The following RYR2 variants were observed in gnomAD, a reference collection of about 807,000 sequenced individuals.
RYR2 encodes ryanodine receptor 2.
A neutral mutation model predicts 601.1 loss-of-function variants in RYR2; 227 were observed. The ratio of observed to expected loss-of-function variants is 0.38; its 90% confidence interval spans 0.34 to 0.42. The LOEUF (loss-of-function observed/expected upper bound fraction) is 0.42. RYR2 is among the 10% of genes least tolerant of loss of function. The probability of loss-of-function intolerance (pLI) is 1.00; values close to 1 mark genes in which losing one functional copy is unlikely to be tolerated. For missense variants in RYR2, 4,646 were observed against 6,156.5 expected (o/e 0.75, Z 8.21); for synonymous variants, 2,223 against 2,175.1 (o/e 1.02, Z -0.61).
At chr1:237,388,042 C>G (rs962101882) in intron 9 of RYR2, 45 bp from the exon 10 acceptor site, 3 of 1,538,230 alleles carry the variant, frequency 2.0e-6, no homozygotes, top group Non-Finnish European at 2.7e-6. Flanking sequence ...GCTATCAGCA[C>G]CTGACACTGA....
chr1:237,641,514 TTTC>T (rs1160795557), intron 47 of RYR2, among the ~76,000 whole-genome samples: 4 of 136,808 alleles, frequency 2.9e-5, no homozygotes, highest in Non-Finnish European at 6.7e-5. Flanking sequence ...TCTTTCTTTC[TTTC>T]TTTCTTTCTT....
chr1:237,111,997 G>A (rs914265816), intron 1 of RYR2, among the ~76,000 whole-genome samples: 33 of 152,192 alleles, frequency 2.2e-4, no homozygotes, highest in African/African-American at 7.5e-4. Context: ...GTTGGGGGTG[G>A]GTGGTGGGTG....
At position 237,654,434 on chromosome 1, in the gene RYR2, G is replaced by A. The variant is rs1683052376; in HGVS notation, c.7965+20G>A. The A allele has an allele frequency of 4.3e-6, 7 of 1,612,320 alleles. No homozygotes were observed. Among genetic ancestry groups the A allele is most frequent in the African/African-American group, 1.3e-5 (1 of 74,842 alleles). ...CAAAAGGTAATTTAATGGTTTGTGG[G>A]TTTGTTTGTATCAATAAAATGGTAT... On this transcript the variant is annotated intron_variant, in intron 52 of 104. Transcript: ENST00000366574.
At chr1:237,381,251 CAAAAAAA>C (rs60493059) in intron 8 of RYR2, among the ~76,000 whole-genome samples, 1 of 45,768 alleles carries the variant, frequency 2.2e-5, no homozygotes, top group Non-Finnish European at 5.3e-5. Flanking sequence ...GACTCCGTCT[CAAAAAAA>C]AAAAAAAAAA....
Position 237,717,248 on chromosome 1 carries a change from G to A in RYR2, c.10374G>A (p.Arg3458=). ...ERKKMKRKGD[R]YSMQTSLIVA... ...AGAAAATGAAGCGCAAAGGAGATCG[G>A]TATTCCATGCAGACCTCTCTGATTG... The change falls in exon 72 of 105, where the codon CGG becomes CGA. Residue 3458 remains arginine, a synonymous_variant. Transcript: ENST00000366574. 6.2e-7 allele frequency: 1 copy of A among 1,613,736 alleles called. No homozygotes were observed. Among genetic ancestry groups the A allele is most frequent in the Non-Finnish European group, 8.5e-7 (1 of 1,179,746 alleles).
At chr1:237,089,210 G>T (rs1666686400) in intron 1 of RYR2, among the ~76,000 whole-genome samples, 1 of 152,156 alleles carries the variant, frequency 6.6e-6, no homozygotes. Context: ...TTACATAACG[G>T]AGTTCAGATT....
chr1:237,681,429 A>C (rs765656843), intron 62 of RYR2, among the ~76,000 whole-genome samples: 1 of 152,180 alleles, frequency 6.6e-6, no homozygotes, highest in Non-Finnish European at 1.5e-5. Context: ...AGATTCCTGC[A>C]CTACGTAACA....
chr1:237,226,454 C>T (rs941804047), intron 1 of RYR2, among the ~76,000 whole-genome samples: 11 of 152,144 alleles, frequency 7.2e-5, no homozygotes, highest in African/African-American at 2.7e-4. Flanking sequence ...GAGAATGTTA[C>T]ATGATATGAG....
intron 102 of RYR2, chr1:237,830,297 C>T: frequency 1.2e-5 from 5 of 405,862 alleles, no homozygotes; most frequent in East Asian, 4.8e-5. Context: ...CATCTTGTTC[C>T]CTGTCTGCGT....
rs113177581 is a variant in RYR2, at chr1:237,281,917, C to G, written c.168+11301C>G. Among the ~76,000 whole-genome samples the G allele has an allele frequency of 9.8e-3, 1,492 of 152,178 alleles. 25 individuals carry two copies. Among genetic ancestry groups the G allele is most frequent in the African/African-American group, 0.032 (1,342 of 41,482 alleles). On this transcript the variant is annotated intron_variant, in intron 2 of 104. Transcript: ENST00000366574. ...GAATTAAGTGAATGTTTGTGAAAAA[C>G]TGAAAACTACACTTGGAGTATATAC...
At chr1:237,739,175 G>C (rs888610262) in intron 79 of RYR2, among the ~76,000 whole-genome samples, 2 of 152,138 alleles carry the variant, frequency 1.3e-5, no homozygotes, top group African/African-American at 4.8e-5. Flanking sequence ...TGTGCTTACT[G>C]CTCCTTGTTG....
At chr1:237,109,969 G>A (rs1415251503) in intron 1 of RYR2, among the ~76,000 whole-genome samples, 1 of 151,958 alleles carries the variant, frequency 6.6e-6, no homozygotes, top group Non-Finnish European at 1.5e-5. Flanking sequence ...GGGCCAGTAA[G>A]GTGCTGTCAG....
chr1:237,595,426 G>C, intron 33 of RYR2, 72 bp from the exon 34 acceptor site: 4 of 1,558,460 alleles, frequency 2.6e-6, no homozygotes, highest in Non-Finnish European at 3.5e-6. Flanking sequence ...AATTTAGTTA[G>C]TTTGCAAGAT....
At chr1:237,408,993 A>T (rs1014675274) in intron 10 of RYR2, among the ~76,000 whole-genome samples, 2 of 152,096 alleles carry the variant, frequency 1.3e-5, no homozygotes, top group African/African-American at 4.8e-5. Flanking sequence ...TATAGAAGAA[A>T]TTGATTTTTG....
chr1:237,067,738 C>T (rs1663828044), intron 1 of RYR2, among the ~76,000 whole-genome samples: 1 of 152,116 alleles, frequency 6.6e-6, no homozygotes, highest in Non-Finnish European at 1.5e-5. Context: ...TTTTGTCTTC[C>T]AATGCGTGAA....
At chr1:237,218,303 C>A (rs556004764) in intron 1 of RYR2, among the ~76,000 whole-genome samples, 143 of 152,194 alleles carry the variant, frequency 9.4e-4, no homozygotes, top group African/African-American at 3.4e-3. Context: ...AGCTTCTTTT[C>A]TAGTGCCATT....
chr1:237,146,640 T>C (rs1558316315), intron 1 of RYR2, among the ~76,000 whole-genome samples: 1 of 152,216 alleles, frequency 6.6e-6, no homozygotes. Flanking sequence ...CCAGTTTCTG[T>C]CCACTAGCAA....
At chr1:237,452,213 G>A (rs12135545) in intron 14 of RYR2, among the ~76,000 whole-genome samples, 75,890 of 145,398 alleles carry the variant, frequency 0.52, 21,137 homozygotes, top group East Asian at 0.74. Context: ...ATAATTATAT[G>A]TTATAATGGA....
intron 93 of RYR2, 185 bp downstream of exon 93, chr1:237,791,700 G>A (rs1277430077): frequency 1.7e-6 from 1 of 579,672 alleles, no homozygotes; most frequent in Non-Finnish European, 3.0e-6. Context: ...CCTGAGAAGT[G>A]AGAAATGCCT....
Sources: allele counts gnomAD v4.1 joint callset (sites outside exome capture counted in the v4.1 genomes callset), GRCh38; gene constraint gnomAD v4.1.1; transcripts MANE v1.5; gene names NCBI Gene and HGNC (gene_info 2026-07-23, HGNC 2026-07-21).